RIIAD1: variants seen among roughly 807,000 people sequenced by gnomAD.
RIIAD1 encodes the protein RIIa domain-containing protein 1.
RIIAD1 carries 15 observed loss-of-function variants against 13.3 expected under a neutral mutation model. The ratio of observed to expected loss-of-function variants is 1.13; its 90% CI spans 0.76 to 1.74. RIIAD1 has a LOEUF of 1.74. RIIAD1 is among the 40% of genes most tolerant of loss of function. RIIAD1 has a pLI of 0.00. For missense variants in RIIAD1, 121 were observed against 112.2 expected (o/e 1.08, Z -0.35); for synonymous variants, 50 against 43.3 (o/e 1.16, Z -0.61).
chr1:151,722,451 A>C (rs924850098), intron 2 of RIIAD1, among the ~76,000 whole-genome samples: 1 of 152,206 alleles, frequency 6.6e-6, no homozygotes, highest in African/African-American at 2.4e-5. Context: ...CCCTACTTGA[A>C]AACATTACTG....
intron 3 of RIIAD1, chr1:151,728,554 T>A (rs572366238): frequency 3.4e-4 from 181 of 525,390 alleles, no homozygotes; most frequent in Non-Finnish European, 4.7e-4. Flanking sequence ...GAGCCCTTCC[T>A]GGGAATGTTG....
chr1:151,712,547 G>C (rs895696874), intron 2 of RIIAD1, among the ~76,000 whole-genome samples: 1 of 152,186 alleles, frequency 6.6e-6, no homozygotes, highest in African/African-American at 2.4e-5. Flanking sequence ...GAAGGGGGAA[G>C]AGCTGGACAG....
chr1:151,714,782 T>A, intron 4 of RIIAD1: 1 of 809,838 alleles, frequency 1.2e-6, no homozygotes, highest in South Asian at 1.6e-5. Context: ...CTTTCCCTTC[T>A]TGTCATCTTC....
intron 3 of RIIAD1, among the ~76,000 whole-genome samples, chr1:151,728,124 C>A (rs1371487280): frequency 6.6e-6 from 1 of 152,226 alleles, no homozygotes; most frequent in Non-Finnish European, 1.5e-5. Context: ...TTCTTGGTTC[C>A]TGTTAGTCCT....
chr1:151,720,478 T>C (rs1673717781), upstream of RIIAD1, among the ~76,000 whole-genome samples: 1 of 152,268 alleles, frequency 6.6e-6, no homozygotes, highest in Admixed American at 6.5e-5. Flanking sequence ...AAGTGGCTTG[T>C]AGCCCACTAC....
At chr1:151,717,527 C>T (rs1025854549), upstream of RIIAD1, among the ~76,000 whole-genome samples, 10 of 152,250 alleles carry the variant, frequency 6.6e-5, no homozygotes, top group Admixed American at 2.6e-4. Flanking sequence ...CTTGTAAGCT[C>T]CTTGAAGACC....
chr1:151,728,863 T>A lies in RIIAD1; in HGVS notation c.*27T>A. On this transcript the variant is annotated 3_prime_UTR_variant, in exon 4 of 5. Transcript: ENST00000479191. ...TAGCAAAATCATGATGCTCAGCTGT[T>A]GGGAGAGACCAGACGGAATCCAGCC... is the stretch of plus-strand genomic sequence containing the variant. 7.4e-7 allele frequency: 1 copy of A among 1,358,170 alleles called. No individual in the cohort carries two copies. Among genetic ancestry groups the A allele is most frequent in the East Asian group, 2.5e-5 (1 of 40,070 alleles). The allele number at this position is 1,358,170 out of a possible 1,614,324, so 84.1% of individuals were successfully genotyped here. A position where few individuals can be genotyped will look rare whatever the true frequency, so the allele number is the denominator to read the frequency against.
At chr1:151,716,669 G>GGCC, upstream of RIIAD1, 1 of 116,324 alleles carries the variant, frequency 8.6e-6, no homozygotes, top group Non-Finnish European at 1.8e-5. Flanking sequence ...CCTCCCCTCA[G>GGCC]CCCCCCTCCC....
chr1:151,719,806 C>T (rs57983158), upstream of RIIAD1: 5,644 of 581,938 alleles, frequency 9.7e-3, 235 homozygotes, highest in African/African-American at 0.097. Flanking sequence ...TGAAGAAAGG[C>T]TTGATTGATT....
intron 2 of RIIAD1, 73 bp downstream of exon 2, chr1:151,722,235 G>A: frequency 2.2e-6 from 2 of 890,604 alleles, no homozygotes; most frequent in Non-Finnish European, 3.6e-6. Context: ...GTTTCCTTCA[G>A]TTATCTCTAA....
intron 2 of RIIAD1, among the ~76,000 whole-genome samples, chr1:151,712,816 A>T (rs34660868): frequency 0.24 from 36,879 of 152,040 alleles, 4,764 homozygotes; most frequent in Middle Eastern, 0.36. Flanking sequence ...TGATTTTTTT[A>T]AAAAAACCTG....
chr1:151,720,125 C>T (rs1395385581), upstream of RIIAD1, among the ~76,000 whole-genome samples: 1 of 152,030 alleles, frequency 6.6e-6, no homozygotes, highest in Non-Finnish European at 1.5e-5. Context: ...AGATTTTTTT[C>T]ATACCAAGCC....
intron 3 of RIIAD1, 173 bp from the exon 4 acceptor site, chr1:151,728,593 G>C (rs1369472542): frequency 3.4e-6 from 2 of 594,358 alleles, no homozygotes; most frequent in Non-Finnish European, 6.0e-6. Flanking sequence ...CTGCTCGGGT[G>C]GGGGCAGTGA....
rs568848652 is a variant in RIIAD1, at chr1:151,722,620, A to T, written c.161+458A>T. Among the ~76,000 whole-genome samples, 22 of 152,348 alleles carry T rather than the reference A, an allele frequency of 1.4e-4. No individual in the cohort carries two copies. In the South Asian group the frequency reaches 4.6e-3, roughly 32 times the overall value. ...CCTAATGGGATGAAGAAGGAGAATT[A>T]AAAAAATAAATCACGGAGCATCAGT... On this transcript the variant is annotated intron_variant, in intron 2 of 4. Coordinates refer to ENST00000479191, the MANE Select transcript of RIIAD1 (RefSeq NM_001144956.3).
At chr1:151,722,701 G>A (rs1417949202) in intron 2 of RIIAD1, among the ~76,000 whole-genome samples, 2 of 152,164 alleles carry the variant, frequency 1.3e-5, no homozygotes, top group Non-Finnish European at 2.9e-5. Context: ...AAATAGACAA[G>A]GTTTAAATAA....
intron 2 of RIIAD1, among the ~76,000 whole-genome samples, chr1:151,723,003 C>A (rs1558118752): frequency 6.6e-6 from 1 of 152,200 alleles, no homozygotes; most frequent in Non-Finnish European, 1.5e-5. Context: ...GATTCAAACC[C>A]CTGGTTTTCC....
upstream of RIIAD1, among the ~76,000 whole-genome samples, chr1:151,717,003 C>T (rs1250621449): frequency 6.6e-6 from 1 of 152,088 alleles, no homozygotes. Context: ...GATAATAACC[C>T]TTCCCCCATC....
intron 4 of RIIAD1, chr1:151,715,492 G>A (rs1299533143): frequency 3.1e-6 from 2 of 640,348 alleles, no homozygotes; most frequent in Non-Finnish European, 5.0e-6. Flanking sequence ...ATTATCTGAG[G>A]CTGCTCAGAT....
chr1:151,720,923 T>C (rs1000573281), upstream of RIIAD1, among the ~76,000 whole-genome samples: 2 of 152,232 alleles, frequency 1.3e-5, no homozygotes, highest in Non-Finnish European at 2.9e-5. Flanking sequence ...TTAGAATTTA[T>C]GAGGAGCCCA....
Sources: gnomAD v4.1 joint callset for allele counts (sites outside exome capture counted in the v4.1 genomes callset) on GRCh38, gnomAD v4.1.1 for gene constraint, MANE v1.5 for transcripts, NCBI Gene and HGNC (gene_info 2026-07-23, HGNC 2026-07-21) for gene names.